The following ACAD11 variants were observed in gnomAD, a reference collection of about 807,000 sequenced individuals.
ACAD11 encodes the protein acyl-Coenzyme A dehydrogenase family, member 11.
A neutral mutation model predicts 102.2 loss-of-function variants in ACAD11; 83 were observed. That is an observed-to-expected ratio of 0.81 (90% CI 0.68 to 0.97). ACAD11 has a LOEUF of 0.97. Among genes scored for constraint, ACAD11 ranks in the 50% least tolerant of loss-of-function variants. The pLI is 0.00. For missense variants in ACAD11, 901 were observed against 951.7 expected, an observed-to-expected ratio of 0.95 and a Z score of 0.70; for synonymous variants, 324 against 319.8, an observed-to-expected ratio of 1.01 and a Z score of -0.14.
In ACAD11 at chr3:132,615,137, G is replaced by T. The variant is rs1404448609; in HGVS notation, c.1414+3497C>A. On this transcript the variant is annotated intron_variant, in intron 11 of 19. Coordinates refer to ENST00000264990, the MANE Select transcript of ACAD11 (RefSeq NM_032169.5). ...AAACCACAATGAGATACCATCTCAC[G>T]CCAGTTAGAATGGTGATCATCAAAA... 9.2e-5 allele frequency among the ~76,000 whole-genome samples: 14 copies of T among 152,114 alleles called. 1 individual carries two copies. Among genetic ancestry groups the T allele is most frequent in the Admixed American group, 9.2e-4 (14 of 15,270 alleles).
At chr3:132,563,935 G>A (rs893297448) in intron 17 of ACAD11, among the ~76,000 whole-genome samples, 7 of 152,072 alleles carry the variant, frequency 4.6e-5, no homozygotes, top group African/African-American at 1.7e-4. Context: ...ATAAAGTTGA[G>A]TAAATTCCTT....
At chr3:132,617,903 C>A (rs1314248342) in intron 11 of ACAD11, among the ~76,000 whole-genome samples, 1 of 152,094 alleles carries the variant, frequency 6.6e-6, no homozygotes, top group Admixed American at 6.6e-5. Context: ...AAAACTCTTT[C>A]CCCATATAAC....
In ACAD11 at chr3:132,618,659, T is replaced by G. The variant is rs1170023521; in HGVS notation, c.1389A>C (p.Pro463=). 6.2e-7 allele frequency: 1 copy of G among 1,606,390 alleles called. No homozygotes were observed. Among genetic ancestry groups the G allele is most frequent in the Non-Finnish European group, 8.5e-7 (1 of 1,177,108 alleles). The change falls in exon 11 of 20, where the codon CCA becomes CCC. Residue 463 remains proline (P), a synonymous_variant. Coordinates refer to ENST00000264990, the MANE Select transcript of ACAD11 (RefSeq NM_032169.5). ...CTGGTGCTTGGCAGTTAAAGACATC[T>G]GGAGCAAAAAAGCATTTTCCTGTTT... ...AEETGKCFFA[P]DVFNCQAPDT...
At chr3:132,595,352 CAGAG>C (rs1308331309) in intron 13 of ACAD11, among the ~76,000 whole-genome samples, 12 of 152,190 alleles carry the variant, frequency 7.9e-5, no homozygotes, top group African/African-American at 2.9e-4. Context: ...GAAATGAGGT[CAGAG>C]AGACAATGAG....
intron 9 of ACAD11, among the ~76,000 whole-genome samples, 153 bp downstream of exon 9, chr3:132,626,538 G>A (rs1300103119): frequency 6.6e-6 from 1 of 152,136 alleles, no homozygotes; most frequent in Non-Finnish European, 1.5e-5. Flanking sequence ...CATTCCCTTT[G>A]TTCTATCGTG....
At chr3:132,573,279 C>A (rs896103444) in intron 17 of ACAD11, among the ~76,000 whole-genome samples, 2 of 152,110 alleles carry the variant, frequency 1.3e-5, no homozygotes, top group African/African-American at 4.8e-5. Flanking sequence ...AGCTACTAAC[C>A]ATATGTGGCT....
chr3:132,636,274 TTAC>T (rs1221068734), intron 5 of ACAD11, among the ~76,000 whole-genome samples: 1 of 152,236 alleles, frequency 6.6e-6, no homozygotes, highest in Non-Finnish European at 1.5e-5. Flanking sequence ...CTAGTTCGTC[TTAC>T]TGCTGCTAGG....
chr3:132,570,517 T>C (rs1937345711), intron 17 of ACAD11, among the ~76,000 whole-genome samples: 1 of 152,146 alleles, frequency 6.6e-6, no homozygotes, highest in Admixed American at 6.6e-5. Flanking sequence ...TTTATTTACT[T>C]TTAACTTTTA....
chr3:132,616,766 A>C (rs1184790447), intron 11 of ACAD11, among the ~76,000 whole-genome samples: 4 of 152,226 alleles, frequency 2.6e-5, no homozygotes, highest in Non-Finnish European at 4.4e-5. Context: ...TAATAGCCTT[A>C]CACAGTTGAG....
chr3:132,619,239 A>AT (rs1939520469), intron 10 of ACAD11, among the ~76,000 whole-genome samples: 1 of 152,126 alleles, frequency 6.6e-6, no homozygotes, highest in Non-Finnish European at 1.5e-5. Flanking sequence ...TTTTAATCAT[A>AT]TTTTTTCCTT....
chr3:132,613,176 T>G (rs1939238657), intron 11 of ACAD11, among the ~76,000 whole-genome samples: 1 of 143,810 alleles, frequency 7.0e-6, no homozygotes, highest in African/African-American at 2.6e-5. Flanking sequence ...AATTGAACAA[T>G]GAGAACACAT....
intron 13 of ACAD11, among the ~76,000 whole-genome samples, chr3:132,580,818 A>T (rs1216942266): frequency 6.6e-6 from 1 of 151,974 alleles, no homozygotes; most frequent in Non-Finnish European, 1.5e-5. Context: ...TTTTCTCTTA[A>T]GTGTGAATAG....
At chr3:132,631,513 T>C in intron 5 of ACAD11, 34 bp from the exon 6 acceptor site, 1 of 1,364,128 alleles carries the variant, frequency 7.3e-7, no homozygotes, top group Non-Finnish European at 9.6e-7. Context: ...TGTAACACAT[T>C]AAAACTTAAA....
chr3:132,579,238 A>T, intron 14 of ACAD11: 1 of 636,448 alleles, frequency 1.6e-6, no homozygotes, highest in South Asian at 2.2e-5. Context: ...ATTTAATCCA[A>T]ACAGCTTTGA....
intron 13 of ACAD11, among the ~76,000 whole-genome samples, chr3:132,594,534 T>C (rs936179344): frequency 6.6e-6 from 1 of 152,194 alleles, no homozygotes; most frequent in Non-Finnish European, 1.5e-5. Context: ...ATGAGTAAGG[T>C]ACCAAGCCAA....
intron 7 of ACAD11, among the ~76,000 whole-genome samples, chr3:132,629,759 G>GT (rs966710872): frequency 2.6e-4 from 39 of 151,972 alleles, no homozygotes; most frequent in African/African-American, 8.7e-4. Flanking sequence ...TTATTTACCT[G>GT]TTTTTCTTCT....
At chr3:132,658,376 A>G (rs961409406) in intron 1 of ACAD11, among the ~76,000 whole-genome samples, 8 of 152,186 alleles carry the variant, frequency 5.3e-5, no homozygotes, top group African/African-American at 1.9e-4. Flanking sequence ...ATTTACAACT[A>G]ATTTCATTTT....
At chr3:132,603,081 G>T in intron 13 of ACAD11, 148 bp downstream of exon 13, 1 of 657,146 alleles carries the variant, frequency 1.5e-6, no homozygotes, top group Non-Finnish European at 2.6e-6. Context: ...GGGATTACAG[G>T]TGTTAGCCAC....
chr3:132,577,250 G>T (rs1937536745), intron 15 of ACAD11, among the ~76,000 whole-genome samples: 1 of 149,492 alleles, frequency 6.7e-6, no homozygotes, highest in Admixed American at 6.6e-5. Flanking sequence ...TTCATTCTCT[G>T]AAGTACAATT....
Sources: allele counts gnomAD v4.1 joint callset (sites outside exome capture counted in the v4.1 genomes callset), GRCh38; gene constraint gnomAD v4.1.1; transcripts MANE v1.5; gene names NCBI Gene and HGNC (gene_info 2026-07-23, HGNC 2026-07-21).